Variants in ROBO1 observed in about 807,000 individuals in gnomAD.
The protein encoded by ROBO1 is roundabout guidance receptor 1.
In ROBO1, 149 loss-of-function variants were observed where a neutral mutation model predicts 195.9. That is an observed-to-expected ratio of 0.76 (90% CI 0.67 to 0.87). The LOEUF is 0.87. Among genes scored for constraint, ROBO1 ranks in the 40% least tolerant of loss-of-function variants. The pLI is 0.00. For synonymous variants in ROBO1, 816 were observed against 733.2 expected, an observed-to-expected ratio of 1.11 and a Z score of -1.82; for missense variants, 1,933 against 2,068.3, an observed-to-expected ratio of 0.93 and a Z score of 1.27.
chr3:78,696,185 A>G (rs2081285600), intron 8 of ROBO1, among the ~76,000 whole-genome samples: 1 of 150,328 alleles, frequency 6.7e-6, no homozygotes, highest in South Asian at 2.1e-4. Context: ...ATCTTCTAAC[A>G]TTCGACATTT....
intron 3 of ROBO1, among the ~76,000 whole-genome samples, chr3:78,994,900 G>A (rs929100091): frequency 3.4e-4 from 51 of 152,154 alleles, no homozygotes; most frequent in Middle Eastern, 3.4e-3. Flanking sequence ...CCATTAAAAC[G>A]CTAGAAGGGG....
At chr3:78,749,518 A>G (rs998509067) in intron 4 of ROBO1, among the ~76,000 whole-genome samples, 5 of 152,186 alleles carry the variant, frequency 3.3e-5, no homozygotes, top group Non-Finnish European at 7.4e-5. Context: ...GCCCATGACT[A>G]TGGCAATTCT....
intron 2 of ROBO1, among the ~76,000 whole-genome samples, chr3:79,266,352 T>C (rs1371783060): frequency 6.6e-6 from 1 of 151,646 alleles, no homozygotes; most frequent in Non-Finnish European, 1.5e-5. Context: ...GTAATGCCAA[T>C]TAAAATCCAT....
intron 2 of ROBO1, among the ~76,000 whole-genome samples, chr3:79,497,539 G>T (rs1470016613): frequency 1.3e-5 from 2 of 152,036 alleles, no homozygotes; most frequent in African/African-American, 4.8e-5. Context: ...CAATATTCAC[G>T]AAGAACCACA....
chr3:79,198,082 T>G lies in ROBO1; in HGVS notation c.89-72543A>C, dbSNP rs539076055. On this transcript the variant is annotated intron_variant, in intron 2 of 30. Transcript: ENST00000464233. ...CAATTTTGGCTTTTGTTGCCATTGC[T>G]TTTGGTGTTTCAGTCATGAAGTCTT... is the stretch of plus-strand genomic sequence containing the variant. 4.5e-3 allele frequency among the ~76,000 whole-genome samples: 686 copies of G among 152,216 alleles called. 5 individuals are homozygous for G. Among genetic ancestry groups the G allele is most frequent in the African/African-American group, 0.015 (643 of 41,542 alleles).
At chr3:79,086,993 C>T (rs1487058586) in intron 3 of ROBO1, among the ~76,000 whole-genome samples, 1 of 151,842 alleles carries the variant, frequency 6.6e-6, no homozygotes, top group Admixed American at 6.6e-5. Context: ...AATTAAGGAA[C>T]ATTTTGATAT....
At chr3:78,648,864 T>C (rs565544830) in intron 19 of ROBO1, among the ~76,000 whole-genome samples, 97 of 152,172 alleles carry the variant, frequency 6.4e-4, no homozygotes, top group Non-Finnish European at 1.1e-3. Context: ...AATCGGAGCA[T>C]TTGGGGTTTG....
intron 4 of ROBO1, among the ~76,000 whole-genome samples, chr3:78,768,247 G>A (rs565796824): frequency 3.5e-4 from 53 of 151,928 alleles, no homozygotes; most frequent in Admixed American, 5.9e-4. Flanking sequence ...TTTTTTTTGG[G>A]GGGTGGGGTG....
chr3:79,011,330 G>T (rs907394051), intron 3 of ROBO1, among the ~76,000 whole-genome samples: 2 of 152,116 alleles, frequency 1.3e-5, no homozygotes, highest in African/African-American at 2.4e-5. Flanking sequence ...TATTTCTTTA[G>T]CCAAATTAAA....
chr3:79,374,945 T>C (rs2036331838), intron 2 of ROBO1, among the ~76,000 whole-genome samples: 1 of 152,202 alleles, frequency 6.6e-6, no homozygotes, highest in Non-Finnish European at 1.5e-5. Flanking sequence ...ACTTAAGTTT[T>C]CTCAATAAAA....
At chr3:79,317,822 A>G (rs903188261) in intron 2 of ROBO1, among the ~76,000 whole-genome samples, 5 of 152,178 alleles carry the variant, frequency 3.3e-5, no homozygotes, top group Non-Finnish European at 7.3e-5. Flanking sequence ...TTATACACAT[A>G]TATACACATA....
intron 3 of ROBO1, among the ~76,000 whole-genome samples, chr3:79,028,210 AT>A (rs1405751043): frequency 1.1e-4 from 16 of 152,168 alleles, no homozygotes; most frequent in Admixed American, 4.6e-4. Flanking sequence ...GAAAGAAAAA[AT>A]ATTCCAATAA....
chr3:79,221,688 G>C (rs1353614937), intron 2 of ROBO1, among the ~76,000 whole-genome samples: 3 of 152,088 alleles, frequency 2.0e-5, no homozygotes, highest in Non-Finnish European at 4.4e-5. Flanking sequence ...ACAAGTTTAT[G>C]TGAAGGGGTG....
At chr3:79,512,073 C>G (rs1940734017) in intron 2 of ROBO1, among the ~76,000 whole-genome samples, 1 of 143,224 alleles carries the variant, frequency 7.0e-6, no homozygotes, top group Non-Finnish European at 1.5e-5. Flanking sequence ...TACCCCTGAA[C>G]TTAATTTAAT....
intron 4 of ROBO1, among the ~76,000 whole-genome samples, chr3:78,771,061 C>T (rs1398695756): frequency 2.7e-5 from 4 of 150,634 alleles, no homozygotes; most frequent in Admixed American, 2.0e-4. Flanking sequence ...AATAAGACCC[C>T]ATATCAAAAA....
At chr3:79,552,902 T>C (rs1466638664) in intron 2 of ROBO1, among the ~76,000 whole-genome samples, 1 of 152,092 alleles carries the variant, frequency 6.6e-6, no homozygotes, top group Non-Finnish European at 1.5e-5. Context: ...GATAACACAA[T>C]TTATAGGGGT....
At chr3:79,648,955 A>G (rs1198255818) in intron 1 of ROBO1, among the ~76,000 whole-genome samples, 1 of 152,100 alleles carries the variant, frequency 6.6e-6, no homozygotes, top group Non-Finnish European at 1.5e-5. Context: ...TCAACCTGGT[A>G]TTTTATATTC....
intron 4 of ROBO1, among the ~76,000 whole-genome samples, chr3:78,914,344 A>C (rs1426059737): frequency 6.6e-6 from 1 of 152,154 alleles, no homozygotes; most frequent in Non-Finnish European, 1.5e-5. Context: ...ATAAAGAGAA[A>C]CATACGCAAA....
intron 2 of ROBO1, among the ~76,000 whole-genome samples, chr3:79,561,293 C>T (rs1414859299): frequency 6.6e-6 from 1 of 152,102 alleles, no homozygotes; most frequent in Non-Finnish European, 1.5e-5. Context: ...AAATACTTGG[C>T]GTGGCCTCCT....
Sources: allele counts gnomAD v4.1 joint callset (sites outside exome capture counted in the v4.1 genomes callset), GRCh38; gene constraint gnomAD v4.1.1; transcripts MANE v1.5; gene names NCBI Gene and HGNC (gene_info 2026-07-23, HGNC 2026-07-21).